The following PNPLA7 variants were observed in gnomAD, a reference collection of about 807,000 sequenced individuals.
PNPLA7 encodes the protein patatin-like phospholipase domain-containing protein 7.
A neutral mutation model predicts 161.7 loss-of-function variants in PNPLA7; 153 were observed. The ratio of observed to expected loss-of-function variants is 0.95; its 90% confidence interval spans 0.83 to 1.08. The LOEUF (loss-of-function observed/expected upper bound fraction) is 1.08, where lower values mean the gene tolerates loss of function less well. PNPLA7 is among the 50% of genes least tolerant of loss of function. PNPLA7 has a pLI of 0.00. For synonymous variants in PNPLA7, 809 were observed against 782.1 expected (o/e 1.03, Z -0.57); for missense variants, 1,739 against 1,856.6 (o/e 0.94, Z 1.16).
At chr9:137,491,669 G>A in intron 20 of PNPLA7, 1 of 985,408 alleles carries the variant, frequency 1.0e-6, no homozygotes, top group Non-Finnish European at 1.2e-6. Context: ...ATGAAGATGG[G>A]GTCACCCTAG....
At position 137,478,151 on chromosome 9, in the gene PNPLA7, A is replaced by T; in HGVS notation, c.2765T>A (p.Val922Glu). 7.7e-7 allele frequency: 1 copy of T among 1,292,028 alleles called. No individual in the cohort carries two copies. The highest frequency in any genetic ancestry group is 9.9e-7 in the Non-Finnish European group (1 of 1,009,798). 80.0% of individuals were successfully genotyped at this position (1,292,028 alleles called of 1,614,324 possible). A position where few individuals can be genotyped will look rare whatever the true frequency, so the allele number is the denominator to read the frequency against. Residue 922 changes from valine to glutamate, a missense_variant and splice_region_variant, in exon 25 of 35, where the codon GTG becomes GAG. By Grantham distance (121) the Val-to-Glu change is moderately radical. Coordinates refer to ENST00000406427, the MANE Select transcript of PNPLA7 (RefSeq NM_001098537.3). ...VFSRRSLPKLVEMYKHVFQRP... is the reference protein window; with the variant it reads ...VFSRRSLPKLEEMYKHVFQRP... Reference sequence around the variant, plus strand: ...CTGGAAGACATGCTTGTACATCTCCACCTGGGGGAGGAGCCGTCAGGCAGG... The same window carrying T: ...CTGGAAGACATGCTTGTACATCTCCTCCTGGGGGAGGAGCCGTCAGGCAGG...
rs903993709 is a variant in PNPLA7, at chr9:137,483,338, G to A, written c.2347+1249C>T. Reference sequence around the variant, plus strand: ...CTGGAATACTCTGACTGATGTCACCGGAAATGAGTAAGATTTTCTGCATAT... The same window carrying A: ...CTGGAATACTCTGACTGATGTCACCAGAAATGAGTAAGATTTTCTGCATAT... On this transcript the variant is annotated intron_variant, in intron 21 of 34. Coordinates refer to ENST00000406427, the MANE Select transcript of PNPLA7 (RefSeq NM_001098537.3). Among the ~76,000 whole-genome samples, 21 of 152,312 alleles carry A rather than the reference G, an allele frequency of 1.4e-4. 1 individual carries two copies. The highest frequency in any genetic ancestry group is 4.3e-4 in the African/African-American group (18 of 41,562).
intron 25 of PNPLA7, among the ~76,000 whole-genome samples, chr9:137,473,428 G>C (rs1564287356): frequency 1.3e-5 from 2 of 152,094 alleles, no homozygotes; most frequent in African/African-American, 2.4e-5. Flanking sequence ...GAAGCTCTCA[G>C]AACACTGGAA....
At position 137,505,999 on chromosome 9, in the gene PNPLA7, C is replaced by A. The variant is rs761916782; in HGVS notation, c.1310G>T (p.Ser437Ile). Residue 437 changes from serine (S) to isoleucine (I), a missense_variant, in exon 13 of 35, where the codon AGC (serine) becomes ATC (isoleucine). Ser to Ile is a moderately radical substitution (Grantham distance 142). This residue lies in a region of PNPLA7 where 481 missense variants were observed against 450.0 expected (regional missense o/e 1.07). Coordinates refer to ENST00000406427, the MANE Select transcript of PNPLA7 (RefSeq NM_001098537.3). Reference protein sequence around the residue: ...VFLHSDEHPGSSVASKSRKSV... With the variant: ...VFLHSDEHPGISVASKSRKSV... The stretch of plus-strand genomic sequence containing the variant: ...AGGGCCTACCTTGCTGGCCACGGAG[C>A]TCCCGGGGTGCTCGTCCGAGTGCAG... 1 of 1,611,556 alleles carries A rather than the reference C, an allele frequency of 6.2e-7. No individual in the cohort carries two copies. Among genetic ancestry groups the A allele is most frequent in the Non-Finnish European group, 8.5e-7 (1 of 1,179,256 alleles).
chr9:137,513,934 G>A (rs10780201), intron 12 of PNPLA7, among the ~76,000 whole-genome samples: 46,363 of 152,234 alleles, frequency 0.3, 7,496 homozygotes, highest in East Asian at 0.47. Flanking sequence ...TGAGCTTGCC[G>A]GTGACCTGCG....
rs940540400 is a variant in PNPLA7 at position 137,479,631 on chromosome 9, G to A, written c.2581-393C>T. The A allele has an allele frequency of 5.1e-6, 5 of 985,338 alleles. No homozygotes were observed. The African/African-American group carries it at 8.7e-5, about 17-fold the overall frequency. 61.0% of individuals were successfully genotyped at this position (985,338 alleles called of 1,614,324 possible). On this transcript the variant is annotated intron_variant, in intron 23 of 34. Coordinates refer to ENST00000406427, the MANE Select transcript of PNPLA7 (RefSeq NM_001098537.3). ...TTTTAGCTGCCCCAGGATTAGCCCA[G>A]GCAGGCTTGTGATGAGAACAGAGCA... is the stretch of plus-strand genomic sequence containing the variant.
In PNPLA7 at chr9:137,467,135, A is replaced by G. The variant is rs540671910; in HGVS notation, c.3039+182T>C. Among the ~76,000 whole-genome samples the G allele has an allele frequency of 1.3e-5, 2 of 152,300 alleles. No homozygotes were observed. Among genetic ancestry groups the G allele is most frequent in the East Asian group, 3.9e-4 (2 of 5,184 alleles). On this transcript the variant is annotated intron_variant, in intron 26 of 34. Transcript: ENST00000406427. The surrounding 1 kb of genome is among the most constrained non-coding windows in gnomAD (Gnocchi z 5.1). ...AGACCGCCTCCCACCACCAACCTGC[A>G]TCTGTGCCTTCTCTGTGGTGCTCCT...
intron 18 of PNPLA7, among the ~76,000 whole-genome samples, chr9:137,496,809 T>C (rs890861759): frequency 1.3e-5 from 2 of 152,214 alleles, no homozygotes; most frequent in Non-Finnish European, 1.5e-5. Context: ...TCGCTCAGGA[T>C]GCAGGGGCCT....
chr9:137,460,174 TCAGGGGCCTCACAGGACTG>T lies in PNPLA7; in HGVS notation c.*200_*218del. 1 of 489,596 alleles carries T rather than the reference TCAGGGGCCTCACAGGACTG, an allele frequency of 2.0e-6. No individual in the cohort carries two copies. Among genetic ancestry groups the T allele is most frequent in the South Asian group, 2.4e-5 (1 of 41,384 alleles). 30.3% of individuals were successfully genotyped at this position (489,596 alleles called of 1,614,324 possible). ...AGAGCTTCAGGGGCCTCACAGAGCTTCAGGGGCCTCACAGGACTGCAGGGGGGCTCACAGGGCCCTGTAT... is the reference window on the plus strand; with the variant it reads ...AGAGCTTCAGGGGCCTCACAGAGCTTCAGGGGGGCTCACAGGGCCCTGTAT... On this transcript the variant is annotated 3_prime_UTR_variant, in exon 35 of 35. Coordinates refer to ENST00000406427, the MANE Select transcript of PNPLA7 (RefSeq NM_001098537.3).
chr9:137,522,684 G>C, intron 9 of PNPLA7, 45 bp downstream of exon 9: 6 of 1,608,442 alleles, frequency 3.7e-6, no homozygotes, highest in Non-Finnish European at 5.1e-6. Flanking sequence ...GCCCCCCCAG[G>C]GTGACCCACA....
At chr9:137,502,876 A>T (rs890184741) in intron 14 of PNPLA7, among the ~76,000 whole-genome samples, 41 of 151,608 alleles carry the variant, frequency 2.7e-4, no homozygotes, top group Non-Finnish European at 1.2e-4. Flanking sequence ...TTGTGGTTAG[A>T]GATGAATCCT....
chr9:137,478,088 G>T lies in PNPLA7; in HGVS notation c.2828C>A (p.Ala943Glu). The part of the protein sequence containing the change: ...PDRHSDFSRL[A>E]RVLTGNAIAL... ...AATGGCGTTGCCCGTCAGCACCCTC[G>T]CCAGGCGGGAGAAGTCTGAGTGTCG... is the stretch of plus-strand genomic sequence containing the variant. Residue 943 changes from alanine to glutamate, a missense_variant, in exon 25 of 35, where the codon GCG (alanine) becomes GAG (glutamate). By Grantham distance (107) the Ala-to-Glu change is moderately radical. Around this residue, in one of 6 missense-constraint regions of PNPLA7, gnomAD observed 703 missense variants for 694.6 expected, o/e 1.01. Coordinates refer to ENST00000406427, the MANE Select transcript of PNPLA7 (RefSeq NM_001098537.3). The T allele has an allele frequency of 7.2e-7, 1 of 1,388,752 alleles. No individual in the cohort carries two copies. The highest frequency in any genetic ancestry group is 9.4e-7 in the Non-Finnish European group (1 of 1,068,176). 86.0% of individuals were successfully genotyped at this position (1,388,752 alleles called of 1,614,324 possible). A position where few individuals can be genotyped will look rare whatever the true frequency, so the allele number is the denominator to read the frequency against.
At chr9:137,519,736 TG>T (rs1313968836) in intron 11 of PNPLA7, among the ~76,000 whole-genome samples, 180 bp downstream of exon 11, 1 of 150,388 alleles carries the variant, frequency 6.6e-6, no homozygotes, top group Non-Finnish European at 1.5e-5. Context: ...TGAGTAGACC[TG>T]GGGGGCATGT....
intron 25 of PNPLA7, among the ~76,000 whole-genome samples, chr9:137,472,650 C>CAAA (rs71387839): frequency 6.1e-5 from 5 of 82,292 alleles, no homozygotes; most frequent in South Asian, 4.6e-4. Flanking sequence ...GACTCCATCT[C>CAAA]AAAAAAAAAA....
Position 137,540,748 on chromosome 9 carries a change from C to A in PNPLA7, c.667-26G>T, listed in dbSNP as rs775075822. On this transcript the variant is annotated intron_variant, in intron 7 of 34. Transcript: ENST00000406427. The surrounding 1 kb of genome is among the most constrained non-coding windows in gnomAD (Gnocchi z 5.1). ...CTGCGCTTGGAGAGCAGAGTGGGTG[C>A]CGTCAGGTCTGGGGCTGCGACCGCG... 3 of 1,597,382 alleles carry A rather than the reference C, an allele frequency of 1.9e-6. No individual in the cohort carries two copies. The highest frequency in any genetic ancestry group is 3.4e-5 in the Admixed American group (2 of 58,890).
intron 8 of PNPLA7, among the ~76,000 whole-genome samples, chr9:137,535,194 C>T (rs1302550332): frequency 1.3e-5 from 2 of 151,936 alleles, no homozygotes. Context: ...TTGTTGCTGG[C>T]CTCTTGGGCT....
chr9:137,462,324 T>C lies in PNPLA7; in HGVS notation c.3500A>G (p.Asn1167Ser), dbSNP rs759706788. The change falls in exon 31 of 35, where the codon AAC becomes AGC. Residue 1167 changes from asparagine to serine, a missense_variant. Coordinates refer to ENST00000406427, the MANE Select transcript of PNPLA7 (RefSeq NM_001098537.3). ...CAGGCGCGTCTGAATCTCTGCCATG[T>C]TCAACACCTGCTGCCGTCACAGCCG... ...NPLATKVKVLNMAEIQTRLAY... is the reference protein window; with the variant it reads ...NPLATKVKVLSMAEIQTRLAY... The C allele has an allele frequency of 6.2e-7, 1 of 1,601,108 alleles. No homozygotes were observed. Among genetic ancestry groups the C allele is most frequent in the Non-Finnish European group, 8.5e-7 (1 of 1,173,194 alleles).
chr9:137,539,579 G>T (rs1002673907), intron 8 of PNPLA7, among the ~76,000 whole-genome samples: 3 of 152,066 alleles, frequency 2.0e-5, no homozygotes, highest in African/African-American at 7.2e-5. Flanking sequence ...TGAGGTGAGA[G>T]AATTGCTTGA....
chr9:137,488,233 C>T (rs1402012788), intron 20 of PNPLA7, among the ~76,000 whole-genome samples: 4 of 152,016 alleles, frequency 2.6e-5, no homozygotes, highest in Non-Finnish European at 5.9e-5. Flanking sequence ...GATGTCTCGT[C>T]CCGAGCTTCG....
Sources: allele counts gnomAD v4.1 joint callset (sites outside exome capture counted in the v4.1 genomes callset), GRCh38; gene constraint gnomAD v4.1.1; regional missense constraint gnomAD v4.1.1; non-coding constraint Gnocchi (gnomAD v3.1); transcripts MANE v1.5; gene names NCBI Gene and HGNC (gene_info 2026-07-23, HGNC 2026-07-21).